FBXL13: variants seen among roughly 807,000 people sequenced by gnomAD.
FBXL13 encodes F-box and leucine-rich repeat protein 13.
FBXL13 carries 67 observed loss-of-function variants against 83.6 expected under a neutral mutation model. That is an observed-to-expected ratio of 0.80 (90% CI 0.66 to 0.98). The LOEUF (loss-of-function observed/expected upper bound fraction) is 0.98, where lower values mean the gene tolerates loss of function less well. FBXL13 is among the 50% of genes least tolerant of loss of function. The pLI is 0.00. For synonymous variants in FBXL13, 272 were observed against 299.5 expected (o/e 0.91, Z 0.95); for missense variants, 822 against 866.5 (o/e 0.95, Z 0.64).
chr7:102,982,277 A>G (rs1318589074), intron 6 of FBXL13, among the ~76,000 whole-genome samples: 1 of 152,168 alleles, frequency 6.6e-6, no homozygotes, highest in Non-Finnish European at 1.5e-5. Flanking sequence ...TTAGCAGCAT[A>G]AGCTTATGGA....
chr7:102,819,176 T>C (rs1221131979), intron 19 of FBXL13, among the ~76,000 whole-genome samples: 1 of 152,224 alleles, frequency 6.6e-6, no homozygotes, highest in Non-Finnish European at 1.5e-5. Flanking sequence ...TTCCTCTCTC[T>C]CACTCCTACC....
At chr7:102,951,147 T>A (rs1823328474) in intron 8 of FBXL13, among the ~76,000 whole-genome samples, 1 of 152,044 alleles carries the variant, frequency 6.6e-6, no homozygotes, top group Non-Finnish European at 1.5e-5. Flanking sequence ...TGCTCAATTT[T>A]GCGAGAACCT....
exon 20 of FBXL13, chr7:102,813,528 C>T (rs1797589962): frequency 1.2e-6 from 2 of 1,613,510 alleles, no homozygotes; most frequent in East Asian, 2.2e-5. Flanking sequence ...TTTGAGCTGC[C>T]TTCCTGTAAT....
chr7:103,000,593 G>C (rs1453231526), intron 6 of FBXL13, among the ~76,000 whole-genome samples: 2 of 152,192 alleles, frequency 1.3e-5, no homozygotes, highest in East Asian at 3.8e-4. Flanking sequence ...GTAAATGTCA[G>C]TTAGGTCCAT....
At chr7:102,929,678 A>T (rs1818813089) in intron 9 of FBXL13, among the ~76,000 whole-genome samples, 1 of 151,390 alleles carries the variant, frequency 6.6e-6, no homozygotes, top group Non-Finnish European at 1.5e-5. Flanking sequence ...AAAAAAAAAA[A>T]AAAAAATTAA....
chr7:102,815,645 G>T (rs1173680278), intron 19 of FBXL13, among the ~76,000 whole-genome samples: 1 of 152,094 alleles, frequency 6.6e-6, no homozygotes, highest in South Asian at 2.1e-4. Flanking sequence ...TTGACCTATA[G>T]GAAAAGGAAA....
chr7:103,056,562 G>A (rs553928373), intron 1 of FBXL13, among the ~76,000 whole-genome samples: 12 of 152,160 alleles, frequency 7.9e-5, no homozygotes, highest in African/African-American at 2.6e-4. Context: ...GGGTTCAAGC[G>A]ATTCTTCTGT....
chr7:102,853,729 T>G (rs1005091530), intron 17 of FBXL13, among the ~76,000 whole-genome samples: 18 of 152,128 alleles, frequency 1.2e-4, no homozygotes, highest in Non-Finnish European at 2.5e-4. Flanking sequence ...CAGACACTTC[T>G]CAAAAGAAGA....
intron 6 of FBXL13, among the ~76,000 whole-genome samples, chr7:103,018,445 T>C (rs1051405007): frequency 9.9e-5 from 15 of 152,226 alleles, no homozygotes; most frequent in African/African-American, 3.6e-4. Context: ...GCTAACATCA[T>C]AATGACAGGA....
At chr7:102,828,857 A>C (rs1800173563) in intron 18 of FBXL13, among the ~76,000 whole-genome samples, 1 of 152,142 alleles carries the variant, frequency 6.6e-6, no homozygotes, top group South Asian at 2.1e-4. Flanking sequence ...AGGCTTTGTG[A>C]CCTGGCTCAA....
chr7:102,841,673 A>T (rs1485122573), intron 17 of FBXL13, among the ~76,000 whole-genome samples: 1 of 152,198 alleles, frequency 6.6e-6, no homozygotes, highest in African/African-American at 2.4e-5. Flanking sequence ...TTAGAAACAC[A>T]CTAGTGTCAG....
At chr7:102,984,752 C>CT (rs1375881658) in intron 6 of FBXL13, among the ~76,000 whole-genome samples, 15 of 152,188 alleles carry the variant, frequency 9.9e-5, no homozygotes, top group African/African-American at 3.6e-4. Context: ...ATTAGAAGAA[C>CT]CCTGCTATGT....
At chr7:102,892,648 T>C (rs1393513055) in intron 11 of FBXL13, among the ~76,000 whole-genome samples, 2 of 152,202 alleles carry the variant, frequency 1.3e-5, no homozygotes, top group Admixed American at 6.5e-5. Flanking sequence ...TAAAACCACA[T>C]ATTTTTTCAA....
At chr7:103,005,528 C>A (rs1790897269) in intron 6 of FBXL13, among the ~76,000 whole-genome samples, 1 of 152,104 alleles carries the variant, frequency 6.6e-6, no homozygotes, top group Non-Finnish European at 1.5e-5. Flanking sequence ...ACATATCTCA[C>A]AGTTCTGGAA....
chr7:102,835,178 A>G (rs1450333666), intron 17 of FBXL13, among the ~76,000 whole-genome samples: 1 of 152,176 alleles, frequency 6.6e-6, no homozygotes, highest in African/African-American at 2.4e-5. Context: ...GTCTTTTTCA[A>G]CTGATTCAGC....
At chr7:102,998,233 T>C (rs1375620638) in intron 6 of FBXL13, among the ~76,000 whole-genome samples, 1 of 152,234 alleles carries the variant, frequency 6.6e-6, no homozygotes, top group Non-Finnish European at 1.5e-5. Context: ...TATTTCAAAA[T>C]CAAATTATTT....
intron 8 of FBXL13, among the ~76,000 whole-genome samples, chr7:102,959,828 A>G (rs570536144): frequency 1.3e-5 from 2 of 152,226 alleles, no homozygotes; most frequent in African/African-American, 4.8e-5. Flanking sequence ...GAAGAAGGTT[A>G]AATAAAGTAT....
intron 6 of FBXL13, among the ~76,000 whole-genome samples, chr7:102,968,568 A>G (rs1384773965): frequency 6.6e-6 from 1 of 152,256 alleles, no homozygotes; most frequent in Non-Finnish European, 1.5e-5. Context: ...TCTGGGAAAG[A>G]GCAATAAACA....
intron 11 of FBXL13, among the ~76,000 whole-genome samples, chr7:102,888,309 T>C (rs1584790037): frequency 6.6e-6 from 1 of 152,088 alleles, no homozygotes; most frequent in East Asian, 1.9e-4. Flanking sequence ...GAGGCCAAGG[T>C]GGGCAGATCA....
Sources: allele counts gnomAD v4.1 joint callset (sites outside exome capture counted in the v4.1 genomes callset), GRCh38; gene constraint gnomAD v4.1.1; transcripts MANE v1.5; gene names NCBI Gene and HGNC (gene_info 2026-07-23, HGNC 2026-07-21).